Variants in ATF7IP observed in about 807,000 individuals in gnomAD.
The protein encoded by ATF7IP is activating transcription factor 7-interacting protein 1.
Under a neutral mutation model 106.4 loss-of-function variants are expected in ATF7IP, and 23 were observed. The ratio of observed to expected loss-of-function variants is 0.22; its 90% CI spans 0.16 to 0.31. ATF7IP has a LOEUF of 0.31. Ranked by LOEUF, ATF7IP falls within the 10% of genes least tolerant of loss-of-function variation. ATF7IP has a pLI of 1.00. For missense variants in ATF7IP, 1,334 were observed against 1,524.3 expected (o/e 0.88, Z 2.08); for synonymous variants, 542 against 539.0 (o/e 1.01, Z -0.08).
At chr12:14,461,592 T>C (rs753416645) in intron 9 of ATF7IP, among the ~76,000 whole-genome samples, 40 of 152,176 alleles carry the variant, frequency 2.6e-4, no homozygotes, top group Non-Finnish European at 5.3e-4. Flanking sequence ...TAAAAATAAG[T>C]TTTTCTTTCA....
At chr12:14,475,543 A>G (rs184122196) in intron 10 of ATF7IP, among the ~76,000 whole-genome samples, 3 of 152,376 alleles carry the variant, frequency 2.0e-5, no homozygotes, top group East Asian at 3.9e-4. Flanking sequence ...GTGTTGTGGT[A>G]GATTAATATT....
intron 9 of ATF7IP, 194 bp from the exon 10 acceptor site, chr12:14,466,332 G>A: frequency 3.8e-6 from 2 of 532,334 alleles, no homozygotes; most frequent in Non-Finnish European, 6.6e-6. Flanking sequence ...AATCTGTATT[G>A]TGATCTGTAT....
intron 1 of ATF7IP, among the ~76,000 whole-genome samples, chr12:14,381,984 TA>T (rs796682152): frequency 3.7e-4 from 55 of 148,146 alleles, no homozygotes; most frequent in Admixed American, 1.4e-3. Context: ...AAGAGTGAAA[TA>T]AAAAAAAAAT....
chr12:14,495,185 C>T (rs1193522526), intron 13 of ATF7IP, among the ~76,000 whole-genome samples: 1 of 152,160 alleles, frequency 6.6e-6, no homozygotes, highest in African/African-American at 2.4e-5. Flanking sequence ...GTGGATCTGC[C>T]TTCCCCAGTC....
At chr12:14,373,481 A>G (rs1298737482) in intron 1 of ATF7IP, among the ~76,000 whole-genome samples, 1 of 152,222 alleles carries the variant, frequency 6.6e-6, no homozygotes, top group African/African-American at 2.4e-5. Flanking sequence ...AGAGCATGAT[A>G]TGGAAGTGGC....
rs560490541 is a variant in ATF7IP, at chr12:14,501,556, C to T, written c.*3483C>T. The T allele has an allele frequency of 1.3e-5, 2 of 152,248 alleles. No homozygotes were observed. The highest frequency in any genetic ancestry group is 4.1e-4 in the South Asian group (2 of 4,826). 9.4% of individuals were successfully genotyped at this position (152,248 alleles called of 1,614,324 possible). On this transcript the variant is annotated 3_prime_UTR_variant, in exon 15 of 15. Coordinates refer to ENST00000261168, the MANE Select transcript of ATF7IP (RefSeq NM_018179.5). ...CTATATCCTTCTATTTCTCTGGACT[C>T]ATTTTTAAAAAATATGCCGAATACT...
Position 14,425,277 on chromosome 12 carries a change from A to G in ATF7IP, c.1362A>G (p.Lys454=), listed in dbSNP as rs1030876445. ...PSEDELTCFS[K]TSLLPIDETN... ...AGGATGAACTTACTTGCTTTTCTAA[A>G]ACATCTCTCCTTCCAATCGATGAGA... The change falls in exon 2 of 15, where the codon AAA becomes AAG. Residue 454 remains lysine, a synonymous_variant. Coordinates refer to ENST00000261168, the MANE Select transcript of ATF7IP (RefSeq NM_018179.5). 12 of 1,597,912 alleles carry G rather than the reference A, an allele frequency of 7.5e-6. No homozygotes were observed. Among genetic ancestry groups the G allele is most frequent in the Non-Finnish European group, 1.0e-5 (12 of 1,174,734 alleles).
intron 13 of ATF7IP, among the ~76,000 whole-genome samples, chr12:14,484,722 T>A: frequency 6.6e-6 from 1 of 152,196 alleles, no homozygotes; most frequent in Admixed American, 6.5e-5. Context: ...GAACGCAGCG[T>A]GACAGGAGTG....
chr12:14,399,824 A>T (rs1413349916), intron 1 of ATF7IP, among the ~76,000 whole-genome samples: 1 of 152,062 alleles, frequency 6.6e-6, no homozygotes, highest in Non-Finnish European at 1.5e-5. Context: ...TTTTGTTTGA[A>T]TTCTTGAATG....
intron 12 of ATF7IP, among the ~76,000 whole-genome samples, chr12:14,480,038 C>G (rs189885887): frequency 2.2e-4 from 33 of 152,194 alleles, no homozygotes; most frequent in Non-Finnish European, 3.8e-4. Flanking sequence ...TTAATACTTT[C>G]TTCTTTCTTC....
chr12:14,385,670 T>C (rs1044221355), intron 1 of ATF7IP, among the ~76,000 whole-genome samples: 1 of 152,178 alleles, frequency 6.6e-6, no homozygotes, highest in Non-Finnish European at 1.5e-5. Context: ...CTAATTAATG[T>C]AATATTCCTT....
intron 13 of ATF7IP, among the ~76,000 whole-genome samples, chr12:14,488,292 G>A (rs1223080277): frequency 1.3e-5 from 2 of 151,802 alleles, no homozygotes; most frequent in African/African-American, 4.8e-5. Context: ...ATATTAACAC[G>A]ATCACAAGAT....
At position 14,424,310 on chromosome 12, in the gene ATF7IP, G is replaced by A; in HGVS notation, c.395G>A (p.Gly132Asp). The A allele has an allele frequency of 6.2e-7, 1 of 1,614,170 alleles. No individual in the cohort carries two copies. The highest frequency in any genetic ancestry group is 1.1e-5 in the South Asian group (1 of 91,076). ...VSKLPAEPVS[G>D]DPAPGDLDAG... ...AAACTGCCTGCTGAACCAGTTTCTGGTGATCCAGCCCCTGGTGATCTGGAT... is the reference window on the plus strand; with the variant it reads ...AAACTGCCTGCTGAACCAGTTTCTGATGATCCAGCCCCTGGTGATCTGGAT... Residue 132 changes from glycine (G) to aspartate (D), a missense_variant, in exon 2 of 15, where the codon GGT becomes GAT. Coordinates refer to ENST00000261168, the MANE Select transcript of ATF7IP (RefSeq NM_018179.5).
chr12:14,422,727 C>T (rs893554337), intron 1 of ATF7IP, among the ~76,000 whole-genome samples: 2 of 152,180 alleles, frequency 1.3e-5, no homozygotes, highest in African/African-American at 4.8e-5. Context: ...ATGTTCAGTA[C>T]TTCATTCCCC....
At chr12:14,473,632 T>C (rs557377427) in intron 10 of ATF7IP, among the ~76,000 whole-genome samples, 1 of 152,242 alleles carries the variant, frequency 6.6e-6, no homozygotes, top group East Asian at 1.9e-4. Context: ...CTCTTCTTCC[T>C]ATGATCCAAG....
At chr12:14,472,631 T>C (rs1389588600) in intron 10 of ATF7IP, among the ~76,000 whole-genome samples, 2 of 152,206 alleles carry the variant, frequency 1.3e-5, no homozygotes, top group East Asian at 1.9e-4. Flanking sequence ...TCCTTCCTTT[T>C]TGAAACATTA....
At chr12:14,428,686 T>G (rs1201270372) in intron 2 of ATF7IP, among the ~76,000 whole-genome samples, 5 of 152,148 alleles carry the variant, frequency 3.3e-5, no homozygotes, top group Admixed American at 2.6e-4. Flanking sequence ...CATCTATGAG[T>G]GTAGTAAAAG....
chr12:14,460,174 A>G (rs1347701231), intron 8 of ATF7IP, among the ~76,000 whole-genome samples: 1 of 152,096 alleles, frequency 6.6e-6, no homozygotes, highest in Non-Finnish European at 1.5e-5. Context: ...ACTTTTTAGT[A>G]TTTTTTATTT....
chr12:14,407,197 A>G (rs2136484937), intron 1 of ATF7IP, among the ~76,000 whole-genome samples: 1 of 152,328 alleles, frequency 6.6e-6, no homozygotes, highest in South Asian at 2.1e-4. Context: ...GAAACATTTT[A>G]AAATTAATTT....
Sources: allele counts gnomAD v4.1 joint callset (sites outside exome capture counted in the v4.1 genomes callset), GRCh38; gene constraint gnomAD v4.1.1; transcripts MANE v1.5; gene names NCBI Gene and HGNC (gene_info 2026-07-23, HGNC 2026-07-21).